The following MBOAT2 variants were observed in gnomAD, a reference collection of about 807,000 sequenced individuals.
MBOAT2 encodes membrane bound glycerophospholipid O-acyltransferase 2.
MBOAT2 carries 28 observed loss-of-function variants against 63.4 expected under a neutral mutation model. That is an observed-to-expected ratio of 0.44 (90% CI 0.33 to 0.61). The LOEUF is 0.61. Among genes scored for constraint, MBOAT2 ranks in the 20% least tolerant of loss-of-function variants. MBOAT2 has a pLI of 0.03. For missense variants in MBOAT2, 470 were observed against 605.8 expected (o/e 0.78, Z 2.35); for synonymous variants, 211 against 215.6 (o/e 0.98, Z 0.19).
rs186403353 is a variant in MBOAT2, at chr2:8,955,080, C to T, written c.221+3417G>A. Among the ~76,000 whole-genome samples the T allele has an allele frequency of 2.0e-5, 3 of 152,322 alleles. No homozygotes were observed. The East Asian group carries it at 5.8e-4, about 29-fold the overall frequency. ...AGCCCTACAGCTGAGGTGCTTTCCA[C>T]AATTCTGGCTATGGAGGCCCCTACC... is the stretch of plus-strand genomic sequence containing the variant. On this transcript the variant is annotated intron_variant, in intron 2 of 12. Transcript: ENST00000305997.
rs536620032 is a variant in MBOAT2 at position 8,867,040 on chromosome 2, G to A, written c.987+1406C>T. 3.9e-5 allele frequency among the ~76,000 whole-genome samples: 6 copies of A among 152,254 alleles called. No individual in the cohort carries two copies. In the South Asian group the frequency reaches 1.2e-3, roughly 32 times the overall value. On this transcript the variant is annotated intron_variant, in intron 9 of 12. Coordinates refer to ENST00000305997, the MANE Select transcript of MBOAT2 (RefSeq NM_138799.4). ...GAATGTTGGAATGATCCTTTTCGCA[G>A]GCTAGCAAAACAATGGTTTTCTTTT... is the stretch of plus-strand genomic sequence containing the variant.
rs1668650196 is a variant in MBOAT2 at position 8,949,361 on chromosome 2, G to C, written c.222-6097C>G. Among the ~76,000 whole-genome samples, 2 of 149,676 alleles carry C rather than the reference G, an allele frequency of 1.3e-5. 1 individual carries two copies. The highest frequency in any genetic ancestry group is 4.2e-4 in the South Asian group (2 of 4,772). ...AATTAGGTTCCACTTGTCAATTTTTGTTTTTGTTGCAATTGCTTTTGAGGA... is the reference window on the plus strand; with the variant it reads ...AATTAGGTTCCACTTGTCAATTTTTCTTTTTGTTGCAATTGCTTTTGAGGA... On this transcript the variant is annotated intron_variant, in intron 2 of 12. Coordinates refer to ENST00000305997, the MANE Select transcript of MBOAT2 (RefSeq NM_138799.4).
Position 8,862,419 on chromosome 2 carries a change from C to T in MBOAT2, c.1185+171G>A, listed in dbSNP as rs181427299. The T allele has an allele frequency of 1.2e-4, 159 of 1,324,846 alleles. No individual in the cohort carries two copies. In the Middle Eastern group the frequency reaches 2.8e-3, roughly 23 times the overall value. 82.1% of individuals were successfully genotyped at this position (1,324,846 alleles called of 1,614,324 possible). A position where few individuals can be genotyped will look rare whatever the true frequency, so the allele number is the denominator to read the frequency against. The stretch of plus-strand genomic sequence containing the variant: ...CAGGAACTGGGCATGGAGCCTAGCC[C>T]GTGGTGAGCGCTCAGCAAACATGCA... On this transcript the variant is annotated intron_variant, in intron 11 of 12. Transcript: ENST00000305997. This position sits in a 1 kb window ranked among gnomAD's most constrained non-coding sequence, Gnocchi z 4.3.
chr2:8,878,989 T>C (rs1662908188), intron 6 of MBOAT2, among the ~76,000 whole-genome samples: 1 of 142,670 alleles, frequency 7.0e-6, no homozygotes, highest in Admixed American at 7.4e-5. Flanking sequence ...GGCAGGAGAA[T>C]GGCGTGAACC....
intron 4 of MBOAT2, among the ~76,000 whole-genome samples, chr2:8,900,054 G>T (rs563396494): frequency 8.5e-5 from 13 of 152,222 alleles, no homozygotes; most frequent in African/African-American, 3.1e-4. Flanking sequence ...AGCTGTTCAA[G>T]GAAGGCAGAA....
At chr2:8,995,454 T>A (rs983356513) in intron 1 of MBOAT2, among the ~76,000 whole-genome samples, 2 of 152,224 alleles carry the variant, frequency 1.3e-5, no homozygotes, top group African/African-American at 4.8e-5. Flanking sequence ...CAGGGCCAAA[T>A]TGCCTAGAGT....
At chr2:8,994,549 G>A (rs964946797) in intron 1 of MBOAT2, among the ~76,000 whole-genome samples, 1 of 152,222 alleles carries the variant, frequency 6.6e-6, no homozygotes, top group Admixed American at 6.5e-5. Flanking sequence ...AATACCAGGG[G>A]CCTCTCTTCT....
intron 3 of MBOAT2, among the ~76,000 whole-genome samples, chr2:8,916,468 C>G (rs1057203642): frequency 1.3e-5 from 2 of 152,212 alleles, no homozygotes; most frequent in Non-Finnish European, 2.9e-5. Context: ...TATCTGTTCA[C>G]TTACGTGTTG....
At chr2:8,894,502 G>A (rs563258531) in intron 4 of MBOAT2, among the ~76,000 whole-genome samples, 6 of 152,342 alleles carry the variant, frequency 3.9e-5, no homozygotes, top group Non-Finnish European at 5.9e-5. Flanking sequence ...CGCCATGTGC[G>A]GGGAAGATAA....
At chr2:8,923,629 T>C (rs1373757780) in intron 3 of MBOAT2, among the ~76,000 whole-genome samples, 1 of 152,158 alleles carries the variant, frequency 6.6e-6, no homozygotes, top group East Asian at 1.9e-4. Flanking sequence ...CATTGGTTTT[T>C]CTGGGCAGTA....
chr2:8,950,125 T>C (rs1041847390), intron 2 of MBOAT2, among the ~76,000 whole-genome samples: 2 of 152,202 alleles, frequency 1.3e-5, no homozygotes, highest in African/African-American at 4.8e-5. Flanking sequence ...AGCTTGAACA[T>C]TATTACTATA....
Position 8,858,723 on chromosome 2 carries a change from G to A in MBOAT2, c.1519C>T (p.Gln507Ter), listed in dbSNP as rs112413155. The A allele has an allele frequency of 7.4e-6, 12 of 1,613,358 alleles. No homozygotes were observed. Among genetic ancestry groups the A allele is most frequent in the Non-Finnish European group, 1.0e-5 (12 of 1,179,828 alleles). ...SFSTTNNVCN[Q>*]NQEIASRHSS... ...TGTCTCGAGGCTATTTCTTGATTCTGATTGCAAACATTGTTTGTTGTAGAA... is the reference window on the plus strand; with the variant it reads ...TGTCTCGAGGCTATTTCTTGATTCTAATTGCAAACATTGTTTGTTGTAGAA... The change falls in exon 13 of 13, where the codon CAG becomes TAG. Residue 507 changes from glutamine (Q) to a stop codon, truncating the protein, a stop_gained. Transcript: ENST00000305997. LOFTEE classifies it high-confidence loss of function.
At chr2:8,909,771 T>G (rs930906909) in intron 3 of MBOAT2, among the ~76,000 whole-genome samples, 3 of 152,238 alleles carry the variant, frequency 2.0e-5, no homozygotes, top group African/African-American at 7.2e-5. Context: ...TTGCTGTATC[T>G]GACAAAAATA....
At chr2:8,892,985 A>G (rs1388995323) in intron 4 of MBOAT2, among the ~76,000 whole-genome samples, 2 of 151,422 alleles carry the variant, frequency 1.3e-5, no homozygotes, top group South Asian at 2.1e-4. Flanking sequence ...GATTTTAGGC[A>G]AAAGAGTGAC....
At chr2:8,982,947 T>G (rs1671302911) in intron 1 of MBOAT2, among the ~76,000 whole-genome samples, 1 of 152,150 alleles carries the variant, frequency 6.6e-6, no homozygotes, top group Admixed American at 6.5e-5. Flanking sequence ...TTTCACTGTA[T>G]CACACTGTTT....
chr2:8,885,726 G>T (rs1663502045), intron 5 of MBOAT2, among the ~76,000 whole-genome samples: 1 of 152,204 alleles, frequency 6.6e-6, no homozygotes, highest in South Asian at 2.1e-4. Context: ...TTATATGAGG[G>T]TGATGAAATG....
At chr2:8,996,731 T>A (rs753006198) in intron 1 of MBOAT2, among the ~76,000 whole-genome samples, 1 of 152,204 alleles carries the variant, frequency 6.6e-6, no homozygotes, top group African/African-American at 2.4e-5. Context: ...AACTTCGCTA[T>A]TCCTTGCTGA....
chr2:8,880,347 C>A (rs148490929), intron 6 of MBOAT2, among the ~76,000 whole-genome samples: 1 of 152,232 alleles, frequency 6.6e-6, no homozygotes, highest in African/African-American at 2.4e-5. Context: ...TGGAAGTCCC[C>A]CCAAGCCACC....
At chr2:8,989,568 C>T (rs1004507274) in intron 1 of MBOAT2, among the ~76,000 whole-genome samples, 4 of 152,178 alleles carry the variant, frequency 2.6e-5, no homozygotes, top group African/African-American at 7.2e-5. Context: ...ATGGATTTCA[C>T]AGAAGACTGA....
Sources: gnomAD v4.1 joint callset for allele counts (sites outside exome capture counted in the v4.1 genomes callset) on GRCh38, gnomAD v4.1.1 for gene constraint, Gnocchi (gnomAD v3.1) non-coding constraint, MANE v1.5 for transcripts, NCBI Gene and HGNC (gene_info 2026-07-23, HGNC 2026-07-21) for gene names.